Variants in TTC7A observed in about 807,000 individuals in gnomAD.
TTC7A encodes the protein tetratricopeptide repeat domain 7A, also known as tetratricopeptide repeat protein 7A.
TTC7A carries 110 observed loss-of-function variants against 103.7 expected under a neutral mutation model. That is an observed-to-expected ratio of 1.06 (90% CI 0.91 to 1.24). The LOEUF is 1.24. TTC7A is among the 50% of genes most tolerant of loss of function. The probability of loss-of-function intolerance (pLI) is 0.00; values close to 1 mark genes in which losing one functional copy is unlikely to be tolerated. For synonymous variants in TTC7A, 521 were observed against 467.9 expected (o/e 1.11, Z -1.47); for missense variants, 1,340 against 1,116.3 (o/e 1.20, Z -2.86).
Position 47,060,753 on chromosome 2 carries a change from C to T in TTC7A, c.2153-16C>T. On this transcript the variant is annotated splice_polypyrimidine_tract_variant and intron_variant, in intron 18 of 19. Coordinates refer to ENST00000319190, the MANE Select transcript of TTC7A (RefSeq NM_020458.4). ...CCCCACCACTCACACCTCCCACTGC[C>T]CTTCTGCTTTTGCAGCTGAGCTGTT... 1.9e-6 allele frequency: 3 copies of T among 1,584,290 alleles called. No homozygotes were observed. The highest frequency in any genetic ancestry group is 1.7e-4 in the Middle Eastern group (1 of 5,962).
chr2:46,956,692 C>A, intron 2 of TTC7A, 147 bp from the exon 3 acceptor site: 1 of 778,082 alleles, frequency 1.3e-6, no homozygotes, highest in Non-Finnish European at 2.2e-6. Flanking sequence ...GAGCTGTCGG[C>A]ATGTGCTTGA....
intron 5 of TTC7A, among the ~76,000 whole-genome samples, chr2:46,989,524 G>A (rs1675382569): frequency 6.6e-6 from 1 of 152,190 alleles, no homozygotes; most frequent in Non-Finnish European, 1.5e-5. Flanking sequence ...ATTTCTCAGA[G>A]GAGTAAGCTG....
At chr2:46,922,978 CA>C (rs1010941428) in intron 2 of TTC7A, among the ~76,000 whole-genome samples, 41 of 152,334 alleles carry the variant, frequency 2.7e-4, no homozygotes, top group African/African-American at 9.9e-4. Context: ...CTCTTTATTA[CA>C]GTTTATTACA....
At chr2:47,052,865 A>G (rs1353111078) in intron 18 of TTC7A, among the ~76,000 whole-genome samples, 1 of 152,080 alleles carries the variant, frequency 6.6e-6, no homozygotes, top group Non-Finnish European at 1.5e-5. Context: ...CTTCTCCATC[A>G]TGGGGGTGTG....
intron 5 of TTC7A, among the ~76,000 whole-genome samples, chr2:46,980,413 T>C (rs1170523929): frequency 6.6e-6 from 1 of 152,060 alleles, no homozygotes; most frequent in Admixed American, 6.6e-5. Context: ...AGTTGCATTT[T>C]GTTGCCCAGG....
chr2:46,973,739 T>A (rs1226469196), intron 3 of TTC7A, among the ~76,000 whole-genome samples: 1 of 152,046 alleles, frequency 6.6e-6, no homozygotes, highest in East Asian at 1.9e-4. Context: ...AGCGGCCAAG[T>A]CTGCACAGAA....
At chr2:46,944,672 A>G (rs1042437149) in intron 1 of TTC7A, among the ~76,000 whole-genome samples, 2 of 152,180 alleles carry the variant, frequency 1.3e-5, no homozygotes, top group African/African-American at 2.4e-5. Flanking sequence ...AGCCCAGGCA[A>G]CATACCTCAG....
rs887183431 is a variant in TTC7A, at chr2:47,075,341, T to C, written c.*1418T>C. 9 of 152,236 alleles carry C rather than the reference T, an allele frequency of 5.9e-5. No individual in the cohort carries two copies. The highest frequency in any genetic ancestry group is 2.2e-4 in the African/African-American group (9 of 41,462). 9.4% of individuals were successfully genotyped at this position (152,236 alleles called of 1,614,324 possible). A position where few individuals can be genotyped will look rare whatever the true frequency, so the allele number is the denominator to read the frequency against. Reference sequence around the variant, plus strand: ...TATATAAAATAGAGATCTATTTTTTTTCTGGAATTCTGTTAGAAAAGTAAA... The same window carrying C: ...TATATAAAATAGAGATCTATTTTTTCTCTGGAATTCTGTTAGAAAAGTAAA... On this transcript the variant is annotated 3_prime_UTR_variant, in exon 20 of 20. Coordinates refer to ENST00000319190, the MANE Select transcript of TTC7A (RefSeq NM_020458.4).
intron 8 of TTC7A, 140 bp downstream of exon 8, chr2:46,995,339 C>T: frequency 1.2e-6 from 1 of 827,088 alleles, no homozygotes; most frequent in South Asian, 1.6e-5. Context: ...CTTCTTGGCC[C>T]TGGGCCCCCA....
At chr2:47,065,044 T>G (rs1470476054) in intron 19 of TTC7A, among the ~76,000 whole-genome samples, 1 of 152,138 alleles carries the variant, frequency 6.6e-6, no homozygotes, top group Non-Finnish European at 1.5e-5. Context: ...TCCCAGCAGT[T>G]TGGGAGGCCG....
At chr2:47,034,001 C>G (rs1169940349) in intron 15 of TTC7A, among the ~76,000 whole-genome samples, 5 of 152,220 alleles carry the variant, frequency 3.3e-5, no homozygotes, top group African/African-American at 1.2e-4. Flanking sequence ...TGGAGTGGAA[C>G]TTTTGAAAAG....
chr2:47,067,788 G>T (rs1198745425), intron 19 of TTC7A: 2 of 152,020 alleles, frequency 1.3e-5, no homozygotes, highest in African/African-American at 4.8e-5. Context: ...TAGTGGCCCA[G>T]TCATTGGGAT....
chr2:46,959,453 TGGA>T (rs1011723254), intron 3 of TTC7A, among the ~76,000 whole-genome samples: 1 of 152,242 alleles, frequency 6.6e-6, no homozygotes, highest in Non-Finnish European at 1.5e-5. Context: ...CACATCTGGC[TGGA>T]GGAGGAGGAC....
rs377502418 is a variant in TTC7A at position 46,941,562 on chromosome 2, C to T, written c.21C>T (p.His7=). MAAKGA[H]GSYLKVESEL... Reference sequence around the variant, plus strand: ...AGAAGATGGCTGCGAAGGGCGCGCACGGCTCCTACCTGAAGGTGGAGAGCG... The same window carrying T: ...AGAAGATGGCTGCGAAGGGCGCGCATGGCTCCTACCTGAAGGTGGAGAGCG... Residue 7 remains histidine, a synonymous_variant, in exon 1 of 20, where the codon CAC becomes CAT. Coordinates refer to ENST00000319190, the MANE Select transcript of TTC7A (RefSeq NM_020458.4). The surrounding 1 kb of genome is among the most constrained non-coding windows in gnomAD (Gnocchi z 4.2). The T allele has an allele frequency of 2.4e-5, 38 of 1,556,046 alleles. No homozygotes were observed. The highest frequency in any genetic ancestry group is 3.3e-5 in the Non-Finnish European group (38 of 1,150,388).
chr2:47,059,740 C>T (rs977820351), intron 18 of TTC7A, among the ~76,000 whole-genome samples: 3 of 152,176 alleles, frequency 2.0e-5, no homozygotes, highest in Non-Finnish European at 2.9e-5. Context: ...CACATCCCCA[C>T]GCGAGGTTCT....
At chr2:46,976,923 C>G (rs769315395) in intron 4 of TTC7A, among the ~76,000 whole-genome samples, 8 of 152,216 alleles carry the variant, frequency 5.3e-5, no homozygotes, top group Non-Finnish European at 8.8e-5. Context: ...AGTGCCCATT[C>G]TTTGGCAGAG....
rs1677512644 is a variant in TTC7A at position 47,007,234 on chromosome 2, C to T, written c.1287+510C>T. On this transcript the variant is annotated intron_variant, in intron 10 of 19. Transcript: ENST00000319190. This position sits in a 1 kb window ranked among gnomAD's most constrained non-coding sequence, Gnocchi z 4.9. The stretch of plus-strand genomic sequence containing the variant: ...TGCATGATGCATGGGGCTGGGAGCA[C>T]CTGCATGGGGACAGGGCCTGGCGGG... Among the ~76,000 whole-genome samples the T allele has an allele frequency of 1.3e-5, 2 of 152,090 alleles. No homozygotes were observed. The highest frequency in any genetic ancestry group is 4.8e-5 in the African/African-American group (2 of 41,388).
chr2:46,979,009 C>T (rs374778769), intron 5 of TTC7A, 102 bp downstream of exon 5: 39 of 737,124 alleles, frequency 5.3e-5, no homozygotes, highest in East Asian at 8.3e-5. Flanking sequence ...CCTGTGCATA[C>T]GTGCTCTTCC....
At chr2:46,962,352 C>T (rs1672456252) in intron 3 of TTC7A, among the ~76,000 whole-genome samples, 1 of 152,214 alleles carries the variant, frequency 6.6e-6, no homozygotes. Flanking sequence ...TGGACCTCAG[C>T]TCAGTATGCA....
Sources: gnomAD v4.1 joint callset for allele counts (sites outside exome capture counted in the v4.1 genomes callset) on GRCh38, gnomAD v4.1.1 for gene constraint, Gnocchi (gnomAD v3.1) non-coding constraint, MANE v1.5 for transcripts, NCBI Gene and HGNC (gene_info 2026-07-23, HGNC 2026-07-21) for gene names.